PKNOX2: variants seen among roughly 807,000 people sequenced by gnomAD.
The protein encoded by PKNOX2 is PBX/knotted 1 homeobox 2.
Under a neutral mutation model 53.1 loss-of-function variants are expected in PKNOX2, and 14 were observed. That is an observed-to-expected ratio of 0.26 (90% CI 0.17 to 0.41). The LOEUF (loss-of-function observed/expected upper bound fraction) is 0.41. PKNOX2 is among the 10% of genes least tolerant of loss of function. The probability of loss-of-function intolerance (pLI) is 1.00; values close to 1 mark genes in which losing one functional copy is unlikely to be tolerated. For synonymous variants in PKNOX2, 257 were observed against 242.8 expected (o/e 1.06, Z -0.54); for missense variants, 496 against 602.8 (o/e 0.82, Z 1.85).
chr11:125,350,117 T>C (rs755395793), intron 3 of PKNOX2, among the ~76,000 whole-genome samples: 1 of 152,202 alleles, frequency 6.6e-6, no homozygotes, highest in Non-Finnish European at 1.5e-5. Flanking sequence ...CAGAGGCTCT[T>C]AGCAACCTCC....
chr11:125,428,213 G>A (rs190162228), intron 10 of PKNOX2, among the ~76,000 whole-genome samples: 156 of 152,286 alleles, frequency 1.0e-3, no homozygotes, highest in Non-Finnish European at 1.3e-3. Flanking sequence ...GCTGCAGCAT[G>A]TGGGGGACTG....
chr11:125,405,031 G>A (rs766778884), intron 7 of PKNOX2, among the ~76,000 whole-genome samples: 4 of 152,224 alleles, frequency 2.6e-5, no homozygotes, highest in Admixed American at 2.0e-4. Context: ...GGTCTGAGCC[G>A]GTGGATCAGC....
chr11:125,296,601 T>C (rs1947674073), intron 2 of PKNOX2, among the ~76,000 whole-genome samples: 1 of 152,188 alleles, frequency 6.6e-6, no homozygotes, highest in Non-Finnish European at 1.5e-5. Flanking sequence ...ATGCGTCTCA[T>C]CTCCATCCAG....
chr11:125,414,836 C>A (rs969416140), intron 10 of PKNOX2, among the ~76,000 whole-genome samples: 2 of 152,012 alleles, frequency 1.3e-5, no homozygotes, highest in Admixed American at 6.6e-5. Context: ...TAGCACATAG[C>A]ACTTAAGAAA....
At chr11:125,303,006 C>A (rs963940515) in intron 2 of PKNOX2, among the ~76,000 whole-genome samples, 1 of 151,900 alleles carries the variant, frequency 6.6e-6, no homozygotes, top group Admixed American at 6.5e-5. Context: ...CAGCCCCAGC[C>A]CTCTAGAAGG....
chr11:125,263,511 G>A (rs1945051101), intron 2 of PKNOX2, among the ~76,000 whole-genome samples: 1 of 152,252 alleles, frequency 6.6e-6, no homozygotes, highest in South Asian at 2.1e-4. Flanking sequence ...GGTCAGCACT[G>A]TGGTATGTCG....
At chr11:125,271,225 A>G (rs1011654404) in intron 2 of PKNOX2, among the ~76,000 whole-genome samples, 2 of 152,162 alleles carry the variant, frequency 1.3e-5, no homozygotes, top group Non-Finnish European at 2.9e-5. Flanking sequence ...GAAGGATTTA[A>G]GGAGCTCTGA....
chr11:125,409,463 G>A (rs1955350032), intron 7 of PKNOX2, among the ~76,000 whole-genome samples: 1 of 152,200 alleles, frequency 6.6e-6, no homozygotes, highest in African/African-American at 2.4e-5. Context: ...GATGCCATGT[G>A]CCGAAGGTGG....
At chr11:125,318,786 G>C (rs1381336215) in intron 2 of PKNOX2, among the ~76,000 whole-genome samples, 2 of 152,186 alleles carry the variant, frequency 1.3e-5, no homozygotes, top group Non-Finnish European at 2.9e-5. Context: ...CCTGGTGGAG[G>C]TGATTAGATC....
At chr11:125,287,688 C>T (rs928906124) in intron 2 of PKNOX2, 1 of 152,292 alleles carries the variant, frequency 6.6e-6, no homozygotes, top group Non-Finnish European at 1.5e-5. Context: ...CCTGAAGACT[C>T]AGTCTTCTGG....
chr11:125,346,337 C>T (rs1167654558), intron 3 of PKNOX2, among the ~76,000 whole-genome samples: 1 of 152,152 alleles, frequency 6.6e-6, no homozygotes, highest in Admixed American at 6.5e-5. Context: ...AGCTACAATC[C>T]AACCCTTTCC....
intron 2 of PKNOX2, among the ~76,000 whole-genome samples, chr11:125,277,159 G>A (rs1946226123): frequency 6.6e-6 from 1 of 152,158 alleles, no homozygotes; most frequent in South Asian, 2.1e-4. Context: ...ACATTTTGTG[G>A]GTGATTCAGT....
chr11:125,351,051 G>C (rs1053684125), intron 3 of PKNOX2, among the ~76,000 whole-genome samples: 1 of 152,102 alleles, frequency 6.6e-6, no homozygotes, highest in African/African-American at 2.4e-5. Context: ...CAGGGGTACC[G>C]GTTGTTTTAC....
At chr11:125,258,333 AAAT>A (rs1944575050) in intron 2 of PKNOX2, among the ~76,000 whole-genome samples, 1 of 152,112 alleles carries the variant, frequency 6.6e-6, no homozygotes, top group Non-Finnish European at 1.5e-5. Flanking sequence ...CATTAACTAG[AAAT>A]TGTCTTTCTC....
At chr11:125,397,172 C>G (rs1416397864) in intron 6 of PKNOX2, among the ~76,000 whole-genome samples, 2 of 152,180 alleles carry the variant, frequency 1.3e-5, no homozygotes, top group East Asian at 3.8e-4. Flanking sequence ...GTACAGCAAT[C>G]CAAAGGGCAT....
rs1565462277 is a variant in PKNOX2 at position 125,178,580 on chromosome 11, AGGAAGGAAGGAAGGAAGGAAGGAAG to A, written c.-201+13806_-201+13830del. On this transcript the variant is annotated intron_variant, in intron 1 of 12. Coordinates refer to ENST00000298282, the MANE Select transcript of PKNOX2 (RefSeq NM_001382323.2). Reference sequence around the variant, plus strand: ...AAGGAAGGAACGAAGGAAGGAAGGAAGGAAGGAAGGAAGGAAGGAAGGAAGGAAGGAAAGAAAGAAAGAAAGAAAG... The same window carrying A: ...AAGGAAGGAACGAAGGAAGGAAGGAAGAAGGAAAGAAAGAAAGAAAGAAAG... Among the ~76,000 whole-genome samples, 14 of 34,322 alleles carry A rather than the reference AGGAAGGAAGGAAGGAAGGAAGGAAG, an allele frequency of 4.1e-4. 1 individual carries two copies. The highest frequency in any genetic ancestry group is 8.3e-3 in the Middle Eastern group (1 of 120). 22.5% of individuals were successfully genotyped at this position (34,322 alleles called of 152,430 possible).
At chr11:125,278,306 G>C (rs1370088775) in intron 2 of PKNOX2, among the ~76,000 whole-genome samples, 1 of 152,000 alleles carries the variant, frequency 6.6e-6, no homozygotes, top group East Asian at 1.9e-4. Flanking sequence ...AAGAGACAAA[G>C]CTGTCCCCAA....
At chr11:125,302,028 TG>T (rs1948108808) in intron 2 of PKNOX2, among the ~76,000 whole-genome samples, 1 of 152,176 alleles carries the variant, frequency 6.6e-6, no homozygotes, top group Admixed American at 6.5e-5. Flanking sequence ...CTTGTCTGAC[TG>T]GGGCTAAGAG....
chr11:125,218,247 A>G (rs1940754856), intron 1 of PKNOX2, among the ~76,000 whole-genome samples: 1 of 151,950 alleles, frequency 6.6e-6, no homozygotes, highest in South Asian at 2.1e-4. Context: ...CTGGCCCCCG[A>G]GCTAAGTACT....
Sources: allele counts gnomAD v4.1 joint callset (sites outside exome capture counted in the v4.1 genomes callset), GRCh38; gene constraint gnomAD v4.1.1; transcripts MANE v1.5; gene names NCBI Gene and HGNC (gene_info 2026-07-23, HGNC 2026-07-21).